The following GNAS-AS1 variants were observed in gnomAD, a reference collection of about 807,000 sequenced individuals.
The protein encoded by GNAS-AS1 is GNAS antisense RNA 1 (non-protein coding).
At chr20:58,823,484 A>G (rs2085499459) in intron 4 of GNAS-AS1, among the ~76,000 whole-genome samples, 1 of 152,162 alleles carries the variant, frequency 6.6e-6, no homozygotes, top group Non-Finnish European at 1.5e-5. Flanking sequence ...TGACGGGCGC[A>G]CGTGCCTGGA....
chr20:58,820,809 G>A (rs1434044821), intron 4 of GNAS-AS1, among the ~76,000 whole-genome samples: 1 of 152,212 alleles, frequency 6.6e-6, no homozygotes, highest in Non-Finnish European at 1.5e-5. Flanking sequence ...TCGCTATCAT[G>A]AGAACAGCAC....
chr20:58,845,022 A>AGTGTGTGTTTTACGTGT (rs934695220), intron 2 of GNAS-AS1, among the ~76,000 whole-genome samples: 1 of 126,080 alleles, frequency 7.9e-6, no homozygotes, highest in Non-Finnish European at 1.8e-5. Context: ...AGTCGTATTT[A>AGTGTGTGTTTTACGTGT]GTGTGTGTTT....
intron 2 of GNAS-AS1, among the ~76,000 whole-genome samples, chr20:58,846,553 T>C (rs1183287182): frequency 6.6e-6 from 1 of 152,214 alleles, no homozygotes; most frequent in Non-Finnish European, 1.5e-5. Context: ...GCTGTCTAGC[T>C]CCAAGGCTAA....
chr20:58,843,787 G>A (rs1408557160), intron 2 of GNAS-AS1, among the ~76,000 whole-genome samples: 3 of 152,210 alleles, frequency 2.0e-5, no homozygotes, highest in Non-Finnish European at 4.4e-5. Context: ...CGACCCAAAG[G>A]TGCTCTTGTA....
chr20:58,833,582 G>A (rs887443736), intron 4 of GNAS-AS1, among the ~76,000 whole-genome samples: 1 of 152,102 alleles, frequency 6.6e-6, no homozygotes. Flanking sequence ...AAGGAAAGAA[G>A]AAGTGGAAAG....
At chr20:58,843,208 TCTC>T (rs894548497) in intron 2 of GNAS-AS1, 3 of 122,990 alleles carry the variant, frequency 2.4e-5, no homozygotes, top group Admixed American at 8.5e-5. Context: ...CCCGCTCAAT[TCTC>T]CTCCCCCGCT....
At chr20:58,825,607 T>C (rs2085514287) in intron 4 of GNAS-AS1, among the ~76,000 whole-genome samples, 1 of 152,144 alleles carries the variant, frequency 6.6e-6, no homozygotes. Flanking sequence ...TGCAGTTCAG[T>C]ATTGGAATAT....
intron 4 of GNAS-AS1, chr20:58,839,664 GC>G (rs1294460433): frequency 7.0e-6 from 3 of 428,788 alleles, no homozygotes; most frequent in Non-Finnish European, 1.2e-5. Context: ...CGGGGAGGTG[GC>G]CCCCACCTCC....
chr20:58,846,039 G>A, intron 2 of GNAS-AS1, among the ~76,000 whole-genome samples: 1 of 152,140 alleles, frequency 6.6e-6, no homozygotes, highest in East Asian at 1.9e-4. Context: ...AGGGACAGAG[G>A]GTAAGTGGTG....
At chr20:58,834,043 CTA>C (rs2145460250) in intron 4 of GNAS-AS1, 1 of 152,332 alleles carries the variant, frequency 6.6e-6, no homozygotes, top group African/African-American at 2.4e-5. Context: ...GCAAGGATTT[CTA>C]TGAGCGTGTG....
At chr20:58,823,930 T>C (rs928648378) in intron 4 of GNAS-AS1, 36 of 398,186 alleles carry the variant, frequency 9.0e-5, no homozygotes, top group African/African-American at 4.3e-4. Context: ...CATCGATACA[T>C]AGGTCCAGCA....
chr20:58,841,865 C>G lies in GNAS-AS1; in HGVS notation n.819+72G>C. 8.1e-7 allele frequency: 1 copy of G among 1,231,204 alleles called. No individual in the cohort carries two copies. Among genetic ancestry groups the G allele is most frequent in the Non-Finnish European group, 1.0e-6 (1 of 987,988 alleles). The allele number at this position is 1,231,204 out of a possible 1,614,324, so 76.3% of individuals were successfully genotyped here. A position where few individuals can be genotyped will look rare whatever the true frequency, so the allele number is the denominator to read the frequency against. Reference sequence around the variant, plus strand: ...CCTCTGGAGGCCCTCGAGATCGTCGCAAGTGGAAAGGTAAAGCGGAACAAG... The same window carrying G: ...CCTCTGGAGGCCCTCGAGATCGTCGGAAGTGGAAAGGTAAAGCGGAACAAG... On this transcript the variant is annotated intron_variant and non_coding_transcript_variant, in intron 4 of 4. Transcript: ENST00000424094. The surrounding 1 kb of genome is among the most constrained non-coding windows in gnomAD (Gnocchi z 5.0).
At chr20:58,834,906 C>T (rs1450803759) in intron 4 of GNAS-AS1, among the ~76,000 whole-genome samples, 1 of 152,204 alleles carries the variant, frequency 6.6e-6, no homozygotes, top group African/African-American at 2.4e-5. Context: ...GTGATTATTT[C>T]CCTCTATTGT....
chr20:58,827,261 A>G (rs1417065132), intron 4 of GNAS-AS1, among the ~76,000 whole-genome samples: 1 of 152,180 alleles, frequency 6.6e-6, no homozygotes, highest in Admixed American at 6.5e-5. Context: ...CAGAGCAGGA[A>G]AACAGCTCCA....
At chr20:58,845,133 T>G (rs1338761275) in intron 2 of GNAS-AS1, among the ~76,000 whole-genome samples, 1 of 152,158 alleles carries the variant, frequency 6.6e-6, no homozygotes, top group African/African-American at 2.4e-5. Context: ...AGTACTGACC[T>G]AGTACTGCAG....
exon 4 of GNAS-AS1, chr20:58,842,150 C>T (rs1369149072): frequency 2.5e-6 from 1 of 398,806 alleles, no homozygotes; most frequent in Middle Eastern, 6.2e-4. Context: ...TCTGATGACC[C>T]AGCACAAAAA....
intron 1 of GNAS-AS1, chr20:58,850,444 T>C (rs938727948): frequency 7.5e-6 from 3 of 397,430 alleles, no homozygotes; most frequent in Non-Finnish European, 1.3e-5. Context: ...ACTTTGGGGG[T>C]GAGCGCGAGG....
intron 2 of GNAS-AS1, among the ~76,000 whole-genome samples, chr20:58,844,947 A>AGT (rs2085888102): frequency 6.6e-6 from 1 of 152,256 alleles, no homozygotes; most frequent in Non-Finnish European, 1.5e-5. Flanking sequence ...CTCAAAAGGC[A>AGT]GTTTAGAGAA....
exon 1 of GNAS-AS1, chr20:58,850,635 C>T: frequency 2.5e-6 from 1 of 399,348 alleles, no homozygotes; most frequent in Non-Finnish European, 4.4e-6. Flanking sequence ...CTCTACCTCC[C>T]AGCCCTGGAA....
Sources: gnomAD v4.1 joint callset for allele counts (sites outside exome capture counted in the v4.1 genomes callset) on GRCh38, gnomAD v4.1.1 for gene constraint, Gnocchi (gnomAD v3.1) non-coding constraint, MANE v1.5 for transcripts, NCBI Gene and HGNC (gene_info 2026-07-23, HGNC 2026-07-21) for gene names.